Variants in IL26 observed in about 807,000 individuals in gnomAD.
IL26 encodes interleukin-26.
A neutral mutation model predicts 21.7 loss-of-function variants in IL26; 23 were observed. The ratio of observed to expected loss-of-function variants is 1.06; its 90% CI spans 0.76 to 1.50. The LOEUF (loss-of-function observed/expected upper bound fraction) is 1.50, where lower values mean the gene tolerates loss of function less well. Ranked by LOEUF, IL26 falls within the 40% of genes most tolerant of loss-of-function variation. The pLI is 0.00. For synonymous variants in IL26, 63 were observed against 67.8 expected (o/e 0.93, Z 0.34); for missense variants, 204 against 196.0 (o/e 1.04, Z -0.24).
chr12:68,221,392 T>C (rs1380747985), intron 3 of IL26, among the ~76,000 whole-genome samples: 1 of 152,100 alleles, frequency 6.6e-6, no homozygotes, highest in Non-Finnish European at 1.5e-5. Flanking sequence ...ATCCATACCC[T>C]CAAAATGTGG....
At chr12:68,223,021 A>C (rs1008825581) in intron 3 of IL26, among the ~76,000 whole-genome samples, 4 of 152,204 alleles carry the variant, frequency 2.6e-5, no homozygotes, top group African/African-American at 9.7e-5. Context: ...AAACAGACAG[A>C]TACCAGTTTC....
In IL26 at chr12:68,202,066, T is replaced by C; in HGVS notation, c.381A>G (p.Ser127=). The change falls in exon 4 of 5, where the codon TCA becomes TCG. Residue 127 remains serine, a synonymous_variant. Coordinates refer to ENST00000229134, the MANE Select transcript of IL26 (RefSeq NM_018402.2). ...TGGTAATGGATTTCATCTCTCTAGC[T>C]GATGAAGCACAGGAAATCTAAGAAA... The part of the protein sequence containing the change: ...KLSHCISCAS[S]AREMKSITRM... 1 of 1,580,504 alleles carries C rather than the reference T, an allele frequency of 6.3e-7. No individual in the cohort carries two copies. Among genetic ancestry groups the C allele is most frequent in the Non-Finnish European group, 8.6e-7 (1 of 1,156,442 alleles).
At chr12:68,221,636 A>G (rs1869047690) in intron 3 of IL26, among the ~76,000 whole-genome samples, 1 of 152,254 alleles carries the variant, frequency 6.6e-6, no homozygotes, top group Non-Finnish European at 1.5e-5. Context: ...GTAATCATAA[A>G]GTTCCATGCA....
intron 3 of IL26, among the ~76,000 whole-genome samples, chr12:68,212,790 G>T (rs116991805): frequency 5.9e-5 from 9 of 151,972 alleles, no homozygotes; most frequent in Non-Finnish European, 2.9e-5. Context: ...AACAGTTTAG[G>T]TAGAGTCTTT....
intron 3 of IL26, among the ~76,000 whole-genome samples, chr12:68,217,520 A>G (rs1251445015): frequency 6.6e-6 from 1 of 152,200 alleles, no homozygotes; most frequent in African/African-American, 2.4e-5. Flanking sequence ...CTTATATGAT[A>G]AGTTCCTCAG....
At chr12:68,213,690 T>C (rs778245862) in intron 3 of IL26, among the ~76,000 whole-genome samples, 1 of 152,088 alleles carries the variant, frequency 6.6e-6, no homozygotes, top group Non-Finnish European at 1.5e-5. Context: ...AATTCTGTAA[T>C]AGTTATTTGT....
intron 3 of IL26, among the ~76,000 whole-genome samples, chr12:68,223,163 A>C (rs570253539): frequency 6.6e-6 from 1 of 152,046 alleles, no homozygotes; most frequent in Non-Finnish European, 1.5e-5. Flanking sequence ...TTCACGGGGG[A>C]GCTTGCTTTA....
chr12:68,222,958 T>C (rs1045849787), intron 3 of IL26, among the ~76,000 whole-genome samples: 1 of 152,210 alleles, frequency 6.6e-6, no homozygotes, highest in Non-Finnish European at 1.5e-5. Context: ...CTAAGCCCTC[T>C]CCCAACCACT....
At chr12:68,220,309 G>A (rs1266132278) in intron 3 of IL26, among the ~76,000 whole-genome samples, 1 of 152,088 alleles carries the variant, frequency 6.6e-6, no homozygotes, top group Non-Finnish European at 1.5e-5. Flanking sequence ...CAAAATTTTA[G>A]CAAATTAAAT....
intron 3 of IL26, among the ~76,000 whole-genome samples, chr12:68,205,347 A>G (rs1868509379): frequency 1.4e-5 from 2 of 144,662 alleles, no homozygotes. Context: ...CCCAAATTAA[A>G]CTAATAGCCT....
chr12:68,220,300 A>C (rs1478604195), intron 3 of IL26, among the ~76,000 whole-genome samples: 2 of 152,196 alleles, frequency 1.3e-5, no homozygotes, highest in East Asian at 1.9e-4. Flanking sequence ...ATTTTTAGGC[A>C]AAATTTTAGC....
intron 3 of IL26, among the ~76,000 whole-genome samples, chr12:68,218,390 A>C (rs1458130489): frequency 6.6e-6 from 1 of 152,246 alleles, no homozygotes; most frequent in East Asian, 1.9e-4. Flanking sequence ...GAAAATATTA[A>C]AAAGACTCAA....
chr12:68,203,009 A>C (rs1868430095), intron 3 of IL26, among the ~76,000 whole-genome samples: 1 of 152,236 alleles, frequency 6.6e-6, no homozygotes, highest in Non-Finnish European at 1.5e-5. Flanking sequence ...AAGAAAAAAA[A>C]ATTACCTTTT....
rs1869227807 is a variant in IL26, at chr12:68,225,718, T to C, written c.39A>G (p.Leu13=). 1.2e-6 allele frequency: 2 copies of C among 1,614,044 alleles called. No homozygotes were observed. Among genetic ancestry groups the C allele is most frequent in the East Asian group, 4.5e-5 (2 of 44,868 alleles). ...TGGCAATGGCAAGAGACAGAGTGAC[T>C]AACAGCAACCCACACCTCAAAATGA... ...VNFILRCGLL[L]VTLSLAIAKH... is the part of the protein sequence containing the mutation. The change falls in exon 1 of 5, where the codon TTA becomes TTG. Residue 13 remains leucine (L), a synonymous_variant. Transcript: ENST00000229134.
rs189182236 is a variant in IL26, at chr12:68,222,808, G to A, written c.363+2341C>T. Among the ~76,000 whole-genome samples, 79 of 152,204 alleles carry A rather than the reference G, an allele frequency of 5.2e-4. 3 individuals carry two copies. Among genetic ancestry groups the A allele is most frequent in the Admixed American group, 4.6e-3 (70 of 15,292 alleles). On this transcript the variant is annotated intron_variant, in intron 3 of 4. Transcript: ENST00000229134. ...CCACAACAACCTCAATAGTACGGAC[G>A]GCAGGGGAAATACGGCAAGTATAAT...
At chr12:68,207,693 A>C (rs1328817746) in intron 3 of IL26, among the ~76,000 whole-genome samples, 2 of 152,180 alleles carry the variant, frequency 1.3e-5, no homozygotes, top group Non-Finnish European at 2.9e-5. Context: ...ACCAACCAAA[A>C]GGCAGCAGAC....
At chr12:68,208,563 C>T (rs550199112) in intron 3 of IL26, among the ~76,000 whole-genome samples, 63 of 152,148 alleles carry the variant, frequency 4.1e-4, no homozygotes, top group Middle Eastern at 3.4e-3. Flanking sequence ...CAGTGGCGCG[C>T]GCAATCTCAG....
intron 3 of IL26, among the ~76,000 whole-genome samples, chr12:68,213,494 C>T (rs1868791524): frequency 6.6e-6 from 1 of 151,964 alleles, no homozygotes; most frequent in Non-Finnish European, 1.5e-5. Flanking sequence ...GCACTGAATC[C>T]ATTATGTCCT....
At position 68,225,229 on chromosome 12, in the gene IL26, C is replaced by T. The variant is rs775287830; in HGVS notation, c.283G>A (p.Gly95Ser). ...TTGCAGCCTTGCAATTGCAGTTGAC[C>T]AAAAACGTCTTCCATGAAGAAGGAC... ...LLSFFMEDVFGQLQLQGCKKI... is the reference protein window; with the variant it reads ...LLSFFMEDVFSQLQLQGCKKI... Residue 95 changes from glycine to serine, a missense_variant, in exon 3 of 5, where the codon GGT becomes AGT. By Grantham distance (56) the Gly-to-Ser change is moderately conservative (BLOSUM62 0). Coordinates refer to ENST00000229134, the MANE Select transcript of IL26 (RefSeq NM_018402.2). 1 of 1,613,462 alleles carries T rather than the reference C, an allele frequency of 6.2e-7. No homozygotes were observed. The highest frequency in any genetic ancestry group is 8.5e-7 in the Non-Finnish European group (1 of 1,179,788).
Sources: gnomAD v4.1 joint callset for allele counts (sites outside exome capture counted in the v4.1 genomes callset) on GRCh38, gnomAD v4.1.1 for gene constraint, MANE v1.5 for transcripts, NCBI Gene and HGNC (gene_info 2026-07-23, HGNC 2026-07-21) for gene names.